The following GPR158 variants were observed in gnomAD, a reference collection of about 807,000 sequenced individuals.
GPR158 encodes the protein G protein-coupled receptor 158.
GPR158 carries 30 observed loss-of-function variants against 78.2 expected under a neutral mutation model. That is an observed-to-expected ratio of 0.38 (90% CI 0.29 to 0.52). The LOEUF is 0.52. Among genes scored for constraint, GPR158 ranks in the 20% least tolerant of loss-of-function variants. The pLI is 0.83. For missense variants in GPR158, 1,463 were observed against 1,523.5 expected (o/e 0.96, Z 0.66); for synonymous variants, 581 against 591.1 (o/e 0.98, Z 0.25).
intron 2 of GPR158, among the ~76,000 whole-genome samples, chr10:25,301,505 G>T (rs1391821531): frequency 6.6e-6 from 1 of 152,112 alleles, no homozygotes; most frequent in Admixed American, 6.5e-5. Context: ...AATATTATAA[G>T]CTAATAAGTG....
intron 2 of GPR158, among the ~76,000 whole-genome samples, chr10:25,353,175 T>C (rs1266933164): frequency 6.6e-6 from 1 of 152,054 alleles, no homozygotes; most frequent in African/African-American, 2.4e-5. Context: ...TTGAGTACTT[T>C]GTTCTCCTTG....
At chr10:25,274,456 C>T (rs984896381) in intron 2 of GPR158, among the ~76,000 whole-genome samples, 11 of 152,132 alleles carry the variant, frequency 7.2e-5, no homozygotes, top group Non-Finnish European at 1.5e-4. Flanking sequence ...CTCCCCTATC[C>T]GTCACTTGGT....
chr10:25,371,167 C>T (rs895410122), intron 2 of GPR158, among the ~76,000 whole-genome samples: 1 of 149,018 alleles, frequency 6.7e-6, no homozygotes, highest in East Asian at 2.0e-4. Flanking sequence ...AGTCCATTTA[C>T]ATTTAAAGTT....
chr10:25,472,792 G>A (rs1225779538), intron 5 of GPR158, among the ~76,000 whole-genome samples: 1 of 152,136 alleles, frequency 6.6e-6, no homozygotes, highest in Non-Finnish European at 1.5e-5. Flanking sequence ...TGTGATTTTT[G>A]CACATTGATT....
intron 2 of GPR158, among the ~76,000 whole-genome samples, chr10:25,380,870 T>C (rs1403970206): frequency 6.6e-6 from 1 of 152,184 alleles, no homozygotes; most frequent in African/African-American, 2.4e-5. Context: ...AAGGCATTGA[T>C]TTTACATATA....
At chr10:25,574,834 G>A (rs10828830) in intron 7 of GPR158, among the ~76,000 whole-genome samples, 71,001 of 151,948 alleles carry the variant, frequency 0.47, 17,078 homozygotes, top group African/African-American at 0.54. Context: ...GCAGTAAGCC[G>A]AGATCATGCC....
chr10:25,586,976 G>C (rs538252636), intron 7 of GPR158, among the ~76,000 whole-genome samples: 1 of 152,310 alleles, frequency 6.6e-6, no homozygotes, highest in East Asian at 1.9e-4. Flanking sequence ...CTATAGCCAA[G>C]GAGCTGGGAG....
intron 2 of GPR158, among the ~76,000 whole-genome samples, chr10:25,244,370 T>C (rs1020194897): frequency 6.6e-6 from 1 of 152,198 alleles, no homozygotes; most frequent in Non-Finnish European, 1.5e-5. Context: ...GCCTTTTCTT[T>C]ATAGGATCCT....
At chr10:25,252,720 T>G (rs1205272846) in intron 2 of GPR158, among the ~76,000 whole-genome samples, 1 of 152,192 alleles carries the variant, frequency 6.6e-6, no homozygotes, top group East Asian at 1.9e-4. Flanking sequence ...CCTTCAAAGC[T>G]GTCAGACAGG....
chr10:25,425,090 G>A (rs1834801674), intron 4 of GPR158, among the ~76,000 whole-genome samples: 2 of 152,030 alleles, frequency 1.3e-5, no homozygotes, highest in South Asian at 2.1e-4. Context: ...TCCTTGAAGT[G>A]GTCCTTCACA....
intron 2 of GPR158, among the ~76,000 whole-genome samples, chr10:25,370,343 G>A (rs560494945): frequency 0.01 from 1,483 of 142,700 alleles, 19 homozygotes; most frequent in Middle Eastern, 0.029. Flanking sequence ...CTTTGAATGC[G>A]TCCCAGAGAT....
chr10:25,261,556 G>T (rs1853968747), intron 2 of GPR158, among the ~76,000 whole-genome samples: 1 of 151,894 alleles, frequency 6.6e-6, no homozygotes, highest in African/African-American at 2.4e-5. Context: ...AATTAATTCT[G>T]ATAGACTAGT....
intron 2 of GPR158, among the ~76,000 whole-genome samples, chr10:25,334,998 G>A (rs188805541): frequency 1.3e-5 from 2 of 152,090 alleles, no homozygotes; most frequent in African/African-American, 4.8e-5. Context: ...GCAAATCTTT[G>A]ATTTTTTAAA....
chr10:25,552,600 T>C (rs1836740663), intron 6 of GPR158, among the ~76,000 whole-genome samples: 1 of 152,216 alleles, frequency 6.6e-6, no homozygotes, highest in Non-Finnish European at 1.5e-5. Flanking sequence ...TATACCATTA[T>C]TGAATCCCCA....
At chr10:25,217,848 C>T (rs1357827486) in intron 1 of GPR158, among the ~76,000 whole-genome samples, 2 of 152,044 alleles carry the variant, frequency 1.3e-5, no homozygotes, top group Admixed American at 1.3e-4. Context: ...ATCCGATTTG[C>T]TATATTTTCC....
intron 4 of GPR158, among the ~76,000 whole-genome samples, chr10:25,443,573 A>AT (rs1368718092): frequency 0.018 from 1,671 of 92,496 alleles, 45 homozygotes; most frequent in African/African-American, 0.043. Flanking sequence ...AAAAAAAAAA[A>AT]TTTTTTTTTT....
At chr10:25,346,042 C>T (rs1379709890) in intron 2 of GPR158, among the ~76,000 whole-genome samples, 1 of 152,044 alleles carries the variant, frequency 6.6e-6, no homozygotes, top group African/African-American at 2.4e-5. Context: ...AATATCATAT[C>T]TAGACCTCAA....
At chr10:25,180,857 T>G (rs1439852631) in intron 1 of GPR158, among the ~76,000 whole-genome samples, 1 of 151,248 alleles carries the variant, frequency 6.6e-6, no homozygotes, top group Non-Finnish European at 1.5e-5. Flanking sequence ...AGACCTGGTA[T>G]TTGGTTAAGA....
At position 25,599,365 on chromosome 10, in the gene GPR158, C is replaced by T. The variant is rs1013734918; in HGVS notation, c.*91C>T. 9.7e-7 allele frequency: 1 copy of T among 1,028,476 alleles called. No individual in the cohort carries two copies. Among genetic ancestry groups the T allele is most frequent in the Non-Finnish European group, 1.4e-6 (1 of 708,628 alleles). The allele number at this position is 1,028,476 out of a possible 1,614,324, so 63.7% of individuals were successfully genotyped here. ...TCAAATATTCCCAAGGAGGATTTGT[C>T]AATCAAGGAAAACATGACAGATGGT... On this transcript the variant is annotated 3_prime_UTR_variant, in exon 11 of 11. Transcript: ENST00000376351.
Sources: gnomAD v4.1 joint callset for allele counts (sites outside exome capture counted in the v4.1 genomes callset) on GRCh38, gnomAD v4.1.1 for gene constraint, MANE v1.5 for transcripts, NCBI Gene and HGNC (gene_info 2026-07-23, HGNC 2026-07-21) for gene names.